Variants in LHFPL6 observed in about 807,000 individuals in gnomAD.
LHFPL6 encodes LHFPL tetraspan subfamily member 6 protein.
Under a neutral mutation model 20.6 loss-of-function variants are expected in LHFPL6, and 9 were observed. The observed-to-expected ratio is 0.44, with a 90% CI of 0.26 to 0.76. The LOEUF (loss-of-function observed/expected upper bound fraction) is 0.76, where lower values mean the gene tolerates loss of function less well. Ranked by LOEUF, LHFPL6 falls within the 30% of genes least tolerant of loss-of-function variation. The pLI, the probability that LHFPL6 is intolerant of heterozygous loss-of-function variation, is 0.20. For synonymous variants in LHFPL6, 105 were observed against 98.7 expected (o/e 1.06, Z -0.38); for missense variants, 218 against 253.5 (o/e 0.86, Z 0.95).
rs57101154 is a variant in LHFPL6, at chr13:39,362,404, A to T, written c.484+16024T>A. ...TCCTCCACAGCCTGTGGAACTGTGC[A>T]CCAATTAAACCTTTTTTCTTTAAAA... On this transcript the variant is annotated intron_variant, in intron 3 of 3. Transcript: ENST00000379589. Among the ~76,000 whole-genome samples the T allele has an allele frequency of 1.0e-2, 1,518 of 152,258 alleles. 28 individuals carry two copies. Among genetic ancestry groups the T allele is most frequent in the African/African-American group, 0.035 (1,457 of 41,544 alleles).
At chr13:39,503,839 T>C (rs955894378) in intron 2 of LHFPL6, among the ~76,000 whole-genome samples, 1 of 152,208 alleles carries the variant, frequency 6.6e-6, no homozygotes, top group Non-Finnish European at 1.5e-5. Context: ...TGAATGCCTA[T>C]TTAGGGCCCA....
chr13:39,512,526 T>C (rs977784975), intron 2 of LHFPL6, among the ~76,000 whole-genome samples: 10 of 146,038 alleles, frequency 6.8e-5, no homozygotes, highest in South Asian at 4.2e-4. Context: ...GGCGTGAACC[T>C]GGGAGGCGGA....
intron 2 of LHFPL6, among the ~76,000 whole-genome samples, chr13:39,542,106 A>C (rs1308026941): frequency 1.4e-5 from 2 of 141,188 alleles, no homozygotes; most frequent in African/African-American, 5.6e-5. Context: ...TATAATAATA[A>C]TAATAATAAT....
intron 2 of LHFPL6, among the ~76,000 whole-genome samples, chr13:39,465,201 G>A (rs952700360): frequency 6.6e-6 from 1 of 152,142 alleles, no homozygotes. Context: ...CCAGCTTATC[G>A]ATTGTAGTCT....
At chr13:39,431,714 T>C (rs1013996199) in intron 2 of LHFPL6, among the ~76,000 whole-genome samples, 3 of 84,426 alleles carry the variant, frequency 3.6e-5, no homozygotes, top group Non-Finnish European at 7.5e-5. Flanking sequence ...CCTGTAGAAT[T>C]TGTGGGGGGG....
At chr13:39,459,224 GTGTGTGT>G (rs1872638542) in intron 2 of LHFPL6, among the ~76,000 whole-genome samples, 1 of 151,306 alleles carries the variant, frequency 6.6e-6, no homozygotes, top group Non-Finnish European at 1.5e-5. Context: ...GTGTGTGTGT[GTGTGTGT>G]GTGTGTGTGT....
At chr13:39,571,843 G>T (rs533244392) in intron 2 of LHFPL6, among the ~76,000 whole-genome samples, 1 of 152,336 alleles carries the variant, frequency 6.6e-6, no homozygotes, top group South Asian at 2.1e-4. Flanking sequence ...TGACATGCCT[G>T]GTCTGGCCAC....
chr13:39,446,014 T>A (rs1872278961), intron 2 of LHFPL6, among the ~76,000 whole-genome samples: 1 of 152,224 alleles, frequency 6.6e-6, no homozygotes, highest in South Asian at 2.1e-4. Flanking sequence ...TCCATCATAT[T>A]TTTATTGATC....
chr13:39,459,620 A>G (rs535010577), intron 2 of LHFPL6, among the ~76,000 whole-genome samples: 212 of 152,176 alleles, frequency 1.4e-3, no homozygotes, highest in Non-Finnish European at 1.8e-3. Flanking sequence ...GGGAATTTAA[A>G]CCTTTGGGAT....
rs562831822 is a variant in LHFPL6 at position 39,458,423 on chromosome 13, G to A, written c.386-79897C>T. 5.0e-4 allele frequency among the ~76,000 whole-genome samples: 76 copies of A among 152,258 alleles called. 1 individual carries two copies. The South Asian group carries it at 0.01, about 21-fold the overall frequency. ...GTCAATGAAAGCAAGCAAGCCAGGC[G>A]CGGTGGCTCATGCCTGTAATCCCAG... On this transcript the variant is annotated intron_variant, in intron 2 of 3. Transcript: ENST00000379589.
chr13:39,358,366 C>A (rs753764291), intron 3 of LHFPL6, among the ~76,000 whole-genome samples: 3 of 152,138 alleles, frequency 2.0e-5, no homozygotes, highest in East Asian at 3.9e-4. Context: ...AAAGTGGACA[C>A]CTTCCTTATA....
At chr13:39,535,718 A>G (rs1446857647) in intron 2 of LHFPL6, among the ~76,000 whole-genome samples, 1 of 152,242 alleles carries the variant, frequency 6.6e-6, no homozygotes, top group Admixed American at 6.5e-5. Flanking sequence ...TACATTTTAT[A>G]GCTAAATTAA....
chr13:39,390,666 T>C (rs1459741889), intron 2 of LHFPL6, among the ~76,000 whole-genome samples: 1 of 152,160 alleles, frequency 6.6e-6, no homozygotes. Flanking sequence ...ACTGTACGTG[T>C]ACTCCTAAAT....
chr13:39,556,729 G>A (rs1410023610), intron 2 of LHFPL6, among the ~76,000 whole-genome samples: 2 of 152,170 alleles, frequency 1.3e-5, no homozygotes, highest in Non-Finnish European at 1.5e-5. Context: ...TTGGGAAGCT[G>A]AGGTGGGAAG....
chr13:39,523,724 C>T (rs1593348511), intron 2 of LHFPL6, among the ~76,000 whole-genome samples: 1 of 152,128 alleles, frequency 6.6e-6, no homozygotes, highest in African/African-American at 2.4e-5. Flanking sequence ...TCATTGCCTA[C>T]CACCACTACT....
At chr13:39,355,562 A>G (rs902969752) in intron 3 of LHFPL6, among the ~76,000 whole-genome samples, 22 of 152,360 alleles carry the variant, frequency 1.4e-4, no homozygotes, top group African/African-American at 4.3e-4. Context: ...AAATGGTACA[A>G]ATGCCCCACT....
intron 2 of LHFPL6, among the ~76,000 whole-genome samples, chr13:39,384,751 T>A (rs1870520363): frequency 1.3e-5 from 2 of 152,320 alleles, no homozygotes; most frequent in East Asian, 3.9e-4. Flanking sequence ...GCTCACAAGC[T>A]TTAATATTAT....
chr13:39,459,864 A>G (rs1872650664), intron 2 of LHFPL6, among the ~76,000 whole-genome samples: 1 of 152,186 alleles, frequency 6.6e-6, no homozygotes, highest in South Asian at 2.1e-4. Flanking sequence ...TCATTTTAGC[A>G]GGGTTTTGAT....
In LHFPL6 at chr13:39,380,510, GT is replaced by G. The variant is rs56370946; in HGVS notation, c.386-1985del. ...TCCTGTCAGATCAGTGGTGGCATCA[GT>G]TTTTTTTTTTTTTTTTTGAGACAGA... On this transcript the variant is annotated intron_variant, in intron 2 of 3. Transcript: ENST00000379589. Among the ~76,000 whole-genome samples, 543 of 133,530 alleles carry G rather than the reference GT, an allele frequency of 4.1e-3. 1 individual carries two copies. Among genetic ancestry groups the G allele is most frequent in the East Asian group, 0.021 (95 of 4,490 alleles). The allele number at this position is 133,530 out of a possible 152,430, so 87.6% of individuals were successfully genotyped here.
Sources: gnomAD v4.1 joint callset for allele counts (sites outside exome capture counted in the v4.1 genomes callset) on GRCh38, gnomAD v4.1.1 for gene constraint, MANE v1.5 for transcripts, NCBI Gene and HGNC (gene_info 2026-07-23, HGNC 2026-07-21) for gene names.